The following GREB1 variants were observed in gnomAD, a reference collection of about 807,000 sequenced individuals.
GREB1 encodes protein GREB1.
Under a neutral mutation model 200.7 loss-of-function variants are expected in GREB1, and 106 were observed. The observed-to-expected ratio is 0.53, with a 90% CI of 0.45 to 0.62. The LOEUF (loss-of-function observed/expected upper bound fraction) is 0.62, where lower values mean the gene tolerates loss of function less well. Among genes scored for constraint, GREB1 ranks in the 20% least tolerant of loss-of-function variants. GREB1 has a pLI of 0.00. For missense variants in GREB1, 2,243 were observed against 2,556.8 expected (o/e 0.88, Z 2.65); for synonymous variants, 1,132 against 1,092.4 (o/e 1.04, Z -0.72).
intron 1 of GREB1, among the ~76,000 whole-genome samples, chr2:11,500,624 A>G (rs1426225289): frequency 1.3e-5 from 2 of 152,236 alleles, no homozygotes; most frequent in East Asian, 3.8e-4. Flanking sequence ...TTCTTATTGC[A>G]GCAACAAAAA....
chr2:11,594,731 C>T (rs1397685488), intron 11 of GREB1, among the ~76,000 whole-genome samples: 1 of 149,954 alleles, frequency 6.7e-6, no homozygotes, highest in African/African-American at 2.5e-5. Context: ...CTCGCTCTGT[C>T]GCCCAGGCTG....
At chr2:11,563,546 G>C (rs1485941389) in intron 3 of GREB1, among the ~76,000 whole-genome samples, 1 of 152,224 alleles carries the variant, frequency 6.6e-6, no homozygotes, top group Non-Finnish European at 1.5e-5. Context: ...GGGGAGGCCA[G>C]TTAGTGGCGA....
rs1399460505 is a variant in GREB1, at chr2:11,490,991, T to C, written c.-159+8610T>C. 4.6e-5 allele frequency among the ~76,000 whole-genome samples: 7 copies of C among 152,232 alleles called. No homozygotes were observed. In the East Asian group the frequency reaches 1.3e-3, roughly 29 times the overall value. On this transcript the variant is annotated intron_variant, in intron 1 of 2. Coordinates refer to the GREB1 transcript ENST00000628795. ...CACCATTTTACGTGTCTACCAGCAC[T>C]GTATAGGGGTTCCTTGTATGGGGGT...
chr2:11,608,007 C>G (rs1482076130), intron 17 of GREB1, among the ~76,000 whole-genome samples: 1 of 152,192 alleles, frequency 6.6e-6, no homozygotes, highest in Non-Finnish European at 1.5e-5. Context: ...AACATTACCA[C>G]TGCTTGATGC....
intron 1 of GREB1, among the ~76,000 whole-genome samples, chr2:11,488,650 G>A (rs1672710870): frequency 6.6e-6 from 1 of 152,020 alleles, no homozygotes; most frequent in Non-Finnish European, 1.5e-5. Flanking sequence ...AATTAGCTGA[G>A]TGTAGTGGTG....
In GREB1 at chr2:11,578,400, C is replaced by T. The variant is rs372165368; in HGVS notation, c.741C>T (p.Asn247=). Residue 247 remains asparagine, a synonymous_variant, in exon 6 of 33, where the codon AAC becomes AAT. Coordinates refer to ENST00000381486, the MANE Select transcript of GREB1 (RefSeq NM_014668.4). Reference sequence around the variant, plus strand: ...CCAGCGAGCCCGTTCCTGGGACGAACCCCAGCATCCTGATGGGAGCTCAGC... The same window carrying T: ...CCAGCGAGCCCGTTCCTGGGACGAATCCCAGCATCCTGATGGGAGCTCAGC... The part of the protein sequence containing the change: ...AFPSEPVPGT[N]PSILMGAQQA... 15 of 1,613,894 alleles carry T rather than the reference C, an allele frequency of 9.3e-6. No homozygotes were observed. In the African/African-American group the frequency reaches 1.7e-4, roughly 19 times the overall value.
rs577827696 is a variant in GREB1, at chr2:11,486,174, G to A, written c.-159+3793G>A. Among the ~76,000 whole-genome samples the A allele has an allele frequency of 3.9e-4, 60 of 152,268 alleles. 2 individuals carry two copies. In the South Asian group the frequency reaches 0.011, roughly 28 times the overall value. Reference sequence around the variant, plus strand: ...AACTCTGGGCTAGCTATTCCAGAGCGTCCAGGGTGACCTGTAGTTCCTTCA... The same window carrying A: ...AACTCTGGGCTAGCTATTCCAGAGCATCCAGGGTGACCTGTAGTTCCTTCA... On this transcript the variant is annotated intron_variant, in intron 1 of 2. Coordinates refer to the GREB1 transcript ENST00000628795.
In GREB1 at chr2:11,493,938, G is replaced by A. The variant is rs1672823068; in HGVS notation, c.-159+11557G>A. ...TTGAGCTGGTGTGTTTGGGGGCTTAGGAGAAATGAATCTGATGGAGAAAAG... is the reference window on the plus strand; with the variant it reads ...TTGAGCTGGTGTGTTTGGGGGCTTAAGAGAAATGAATCTGATGGAGAAAAG... On this transcript the variant is annotated intron_variant, in intron 1 of 2. Transcript: ENST00000628795. This position sits in a 1 kb window ranked among gnomAD's most constrained non-coding sequence, Gnocchi z 4.6. Among the ~76,000 whole-genome samples the A allele has an allele frequency of 6.6e-6, 1 of 152,142 alleles. No homozygotes were observed. The highest frequency in any genetic ancestry group is 2.4e-5 in the African/African-American group (1 of 41,412).
chr2:11,537,847 G>A (rs543830902), intron 1 of GREB1, among the ~76,000 whole-genome samples: 28 of 150,598 alleles, frequency 1.9e-4, no homozygotes, highest in Admixed American at 1.2e-3. Flanking sequence ...AAAATTATCC[G>A]CAGGATCTAC....
rs144358585 is a variant in GREB1, at chr2:11,524,051, TCACACA to T, written c.-158-32391_-158-32386del. Among the ~76,000 whole-genome samples the T allele has an allele frequency of 4.7e-5, 7 of 150,486 alleles. No individual in the cohort carries two copies. In the South Asian group the frequency reaches 1.1e-3, roughly 23 times the overall value. On this transcript the variant is annotated intron_variant, in intron 1 of 2. Coordinates refer to the GREB1 transcript ENST00000628795. The stretch of plus-strand genomic sequence containing the variant: ...GAAATGCACACACGTGCATGCACAC[TCACACA>T]CACACACACACACAGAGTACACATT...
At chr2:11,503,793 G>GT (rs1558487432) in intron 1 of GREB1, among the ~76,000 whole-genome samples, 1 of 152,136 alleles carries the variant, frequency 6.6e-6, no homozygotes. Flanking sequence ...TAACCTTCCT[G>GT]TTTATTGCAT....
chr2:11,551,943 G>A (rs1460162723), intron 1 of GREB1, among the ~76,000 whole-genome samples: 2 of 152,160 alleles, frequency 1.3e-5, no homozygotes, highest in African/African-American at 4.8e-5. Flanking sequence ...TTTATAATCT[G>A]AAATTCTTTT....
At chr2:11,563,720 C>A (rs1422906335) in intron 3 of GREB1, among the ~76,000 whole-genome samples, 1 of 152,160 alleles carries the variant, frequency 6.6e-6, no homozygotes, top group Non-Finnish European at 1.5e-5. Flanking sequence ...ACAAATATTT[C>A]TGGAATGCCT....
intron 1 of GREB1, among the ~76,000 whole-genome samples, chr2:11,502,783 G>A (rs1448366414): frequency 6.6e-6 from 1 of 152,110 alleles, no homozygotes; most frequent in Non-Finnish European, 1.5e-5. Context: ...GTTATCTGGA[G>A]CACTTCATAT....
chr2:11,614,354 T>A (rs963334435), intron 19 of GREB1, among the ~76,000 whole-genome samples: 6 of 152,128 alleles, frequency 3.9e-5, no homozygotes, highest in African/African-American at 1.4e-4. Flanking sequence ...CTTGAACTCC[T>A]GACCTCAAGT....
chr2:11,517,854 C>G (rs1420008570), intron 1 of GREB1, among the ~76,000 whole-genome samples: 1 of 152,070 alleles, frequency 6.6e-6, no homozygotes, highest in Non-Finnish European at 1.5e-5. Flanking sequence ...GGGGTTTCAC[C>G]GTGTTAGCCA....
intron 13 of GREB1, among the ~76,000 whole-genome samples, chr2:11,596,679 A>T (rs1681270784): frequency 2.2e-5 from 2 of 91,740 alleles, no homozygotes; most frequent in Non-Finnish European, 2.1e-5. Context: ...ACAGGTGTGT[A>T]CAGTGAGGGG....
At chr2:11,556,369 A>T (rs556032433) in intron 1 of GREB1, 85 bp from the exon 2 acceptor site, 4 of 317,590 alleles carry the variant, frequency 1.3e-5, no homozygotes, top group Non-Finnish European at 2.3e-5. Context: ...GCTCCTAGTG[A>T]AACAGTCTAA....
At chr2:11,484,494 A>G (rs1309883971) in intron 1 of GREB1, among the ~76,000 whole-genome samples, 1 of 151,252 alleles carries the variant, frequency 6.6e-6, no homozygotes, top group Non-Finnish European at 1.5e-5. Flanking sequence ...CACACCTGTA[A>G]TCCCAGCTAC....
Sources: gnomAD v4.1 joint callset for allele counts (sites outside exome capture counted in the v4.1 genomes callset) on GRCh38, gnomAD v4.1.1 for gene constraint, Gnocchi (gnomAD v3.1) non-coding constraint, MANE v1.5 for transcripts, NCBI Gene and HGNC (gene_info 2026-07-23, HGNC 2026-07-21) for gene names.